The following MINAR2 variants were observed in gnomAD, a reference collection of about 807,000 sequenced individuals.
MINAR2 encodes the protein major intrinsically disordered NOTCH2-binding receptor 1-like.
MINAR2 carries 21 observed loss-of-function variants against 16.1 expected under a neutral mutation model. That is an observed-to-expected ratio of 1.31 (90% CI 0.93 to 1.88). MINAR2 has a LOEUF of 1.88. Ranked by LOEUF, MINAR2 falls within the 40% of genes most tolerant of loss-of-function variation. The pLI, the probability that MINAR2 is intolerant of heterozygous loss-of-function variation, is 0.00. For missense variants in MINAR2, 259 were observed against 229.8 expected, an observed-to-expected ratio of 1.13 and a Z score of -0.82; for synonymous variants, 86 against 83.0, an observed-to-expected ratio of 1.04 and a Z score of -0.20.
intron 2 of MINAR2, among the ~76,000 whole-genome samples, 162 bp downstream of exon 2, chr5:129,760,767 G>C (rs1198568122): frequency 6.6e-6 from 1 of 152,132 alleles, no homozygotes; most frequent in Non-Finnish European, 1.5e-5. Context: ...CTCCTAGTCA[G>C]TATTTGTGTT....
At chr5:129,749,268 A>G (rs1360424067) in intron 1 of MINAR2, among the ~76,000 whole-genome samples, 2 of 152,176 alleles carry the variant, frequency 1.3e-5, no homozygotes, top group African/African-American at 4.8e-5. Flanking sequence ...TTCCCTGAAC[A>G]GAAATTTGTT....
intron 1 of MINAR2, among the ~76,000 whole-genome samples, chr5:129,759,735 A>T (rs565534872): frequency 6.6e-6 from 1 of 152,224 alleles, no homozygotes; most frequent in South Asian, 2.1e-4. Flanking sequence ...GTTTGCAAGA[A>T]TTTATAGAGC....
rs61546560 is a variant in MINAR2, at chr5:129,766,657, C to CAAAAA, written c.*1597_*1598insAAAAA. The CAAAAA allele has an allele frequency of 3.6e-5, 4 of 111,668 alleles. No homozygotes were observed. The highest frequency in any genetic ancestry group is 1.2e-4 in the African/African-American group (3 of 24,844). 6.9% of individuals were successfully genotyped at this position (111,668 alleles called of 1,614,324 possible). ...CATAAAAAAAAAAAAAAAAAAAAAA[C>CAAAAA]AAACAAACAAACAAAAAAAACCCCA... On this transcript the variant is annotated 3_prime_UTR_variant, in exon 3 of 3. Transcript: ENST00000564719.
intron 1 of MINAR2, among the ~76,000 whole-genome samples, chr5:129,758,678 A>T (rs1758086331): frequency 6.6e-6 from 1 of 151,968 alleles, no homozygotes; most frequent in Non-Finnish European, 1.5e-5. Flanking sequence ...CAATCTGACA[A>T]AGCCAATTTG....
chr5:129,760,536 G>C lies in MINAR2; in HGVS notation c.324G>C (p.Lys108Asn). The C allele has an allele frequency of 6.5e-7, 1 of 1,535,600 alleles. No homozygotes were observed. Among genetic ancestry groups the C allele is most frequent in the Non-Finnish European group, 8.7e-7 (1 of 1,146,546 alleles). ...AGGAAGCTATGGAAGAAAGAAAAAA[G>C]AACCCCTCATGGACCATTGAGGAAT... is the stretch of plus-strand genomic sequence containing the variant. ...SLEEAMEERKKNPSWTIEEYD... is the reference protein window; with the variant it reads ...SLEEAMEERKNNPSWTIEEYD... The change falls in exon 2 of 3, where the codon AAG (lysine) becomes AAC (asparagine). Residue 108 changes from lysine to asparagine, a missense_variant. Physicochemically the swap from Lys to Asn is moderately conservative, Grantham distance 94 (BLOSUM62 0). Coordinates refer to ENST00000564719, the MANE Select transcript of MINAR2 (RefSeq NM_001257308.2).
At chr5:129,760,324 C>G in intron 1 of MINAR2, 54 bp from the exon 2 acceptor site, 1 of 1,311,734 alleles carries the variant, frequency 7.6e-7, no homozygotes, top group Non-Finnish European at 1.1e-6. Flanking sequence ...ACATTGCATT[C>G]CCTACTATCA....
rs116104893 is a variant in MINAR2 at position 129,756,078 on chromosome 5, A to C, written c.166-4300A>C. Among the ~76,000 whole-genome samples, 1,312 of 152,148 alleles carry C rather than the reference A, an allele frequency of 8.6e-3. 18 individuals carry two copies. The highest frequency in any genetic ancestry group is 0.029 in the African/African-American group (1,212 of 41,562). On this transcript the variant is annotated intron_variant, in intron 1 of 2. Transcript: ENST00000564719. ...TTATTTCTTTGAAATGTATTTTTAAATGTCAGCAGAATGTTTTATTTTATG... is the reference window on the plus strand; with the variant it reads ...TTATTTCTTTGAAATGTATTTTTAACTGTCAGCAGAATGTTTTATTTTATG...
At chr5:129,760,674 C>A in intron 2 of MINAR2, 69 bp downstream of exon 2, 1 of 1,241,920 alleles carries the variant, frequency 8.1e-7, no homozygotes, top group Non-Finnish European at 1.1e-6. Context: ...TAAAAGAAAG[C>A]AATATTGAAG....
intron 1 of MINAR2, among the ~76,000 whole-genome samples, chr5:129,756,934 T>TAAAA (rs34547893): frequency 2.4e-4 from 18 of 73,960 alleles, no homozygotes; most frequent in Non-Finnish European, 3.2e-4. Flanking sequence ...CTTTCCACAG[T>TAAAA]AAAAAAAAAA....
At chr5:129,758,307 A>C (rs1211715802) in intron 1 of MINAR2, among the ~76,000 whole-genome samples, 1 of 151,986 alleles carries the variant, frequency 6.6e-6, no homozygotes, top group Non-Finnish European at 1.5e-5. Flanking sequence ...AAAATTTATC[A>C]AGATACAAAT....
intron 1 of MINAR2, among the ~76,000 whole-genome samples, chr5:129,757,342 G>A (rs1261068791): frequency 6.6e-6 from 1 of 151,866 alleles, no homozygotes; most frequent in Non-Finnish European, 1.5e-5. Context: ...CATTTAGTCA[G>A]TCACAACACC....
chr5:129,752,964 T>C (rs1758004083), intron 1 of MINAR2, among the ~76,000 whole-genome samples: 1 of 152,162 alleles, frequency 6.6e-6, no homozygotes, highest in South Asian at 2.1e-4. Flanking sequence ...GAGAGGCTGC[T>C]CTTCCATTGA....
intron 1 of MINAR2, among the ~76,000 whole-genome samples, chr5:129,759,504 A>G (rs2149546327): frequency 6.6e-6 from 1 of 152,278 alleles, no homozygotes; most frequent in East Asian, 1.9e-4. Flanking sequence ...AACAAAACAA[A>G]GTAAAAATCT....
chr5:129,759,772 G>T (rs1402322630), intron 1 of MINAR2, among the ~76,000 whole-genome samples: 1 of 151,914 alleles, frequency 6.6e-6, no homozygotes, highest in Admixed American at 6.6e-5. Flanking sequence ...TGAATATTAT[G>T]CTTCAATTTG....
At chr5:129,764,617 C>A (rs1758184039) in intron 2 of MINAR2, among the ~76,000 whole-genome samples, 1 of 152,160 alleles carries the variant, frequency 6.6e-6, no homozygotes, top group Non-Finnish European at 1.5e-5. Flanking sequence ...ATTAAAGAAT[C>A]ATGAAGGCCT....
In MINAR2 at chr5:129,766,115, T is replaced by G. The variant is rs1315463415; in HGVS notation, c.*1052T>G. ...CTGGGGACATGGTTGTAGACACAGA[T>G]GGGGAATCAAGTCACCATCCTGCCC... On this transcript the variant is annotated 3_prime_UTR_variant, in exon 3 of 3. Transcript: ENST00000564719. 1.3e-5 allele frequency: 2 copies of G among 152,208 alleles called. No individual in the cohort carries two copies. The highest frequency in any genetic ancestry group is 4.8e-5 in the African/African-American group (2 of 41,448). 9.4% of individuals were successfully genotyped at this position (152,208 alleles called of 1,614,324 possible).
At position 129,753,141 on chromosome 5, in the gene MINAR2, C is replaced by T. The variant is rs1194806091; in HGVS notation, c.165+4786C>T. 5.3e-5 allele frequency among the ~76,000 whole-genome samples: 8 copies of T among 151,976 alleles called. No individual in the cohort carries two copies. In the East Asian group the frequency reaches 1.4e-3, roughly 26 times the overall value. On this transcript the variant is annotated intron_variant, in intron 1 of 2. Coordinates refer to ENST00000564719, the MANE Select transcript of MINAR2 (RefSeq NM_001257308.2). ...CTTCTGTCTCTGAACACACGTCATG[C>T]CTTCCTAAGACTGTCTCTATTTTCA...
At chr5:129,760,778 T>C (rs1758125418) in intron 2 of MINAR2, among the ~76,000 whole-genome samples, 173 bp downstream of exon 2, 1 of 152,172 alleles carries the variant, frequency 6.6e-6, no homozygotes, top group Non-Finnish European at 1.5e-5. Context: ...TATTTGTGTT[T>C]ATTTGTTTTG....
intron 1 of MINAR2, among the ~76,000 whole-genome samples, chr5:129,759,985 A>G (rs1041675954): frequency 6.6e-6 from 1 of 152,140 alleles, no homozygotes; most frequent in Non-Finnish European, 1.5e-5. Flanking sequence ...TTAGCACAAT[A>G]ATATTAAATA....
Sources: allele counts gnomAD v4.1 joint callset (sites outside exome capture counted in the v4.1 genomes callset), GRCh38; gene constraint gnomAD v4.1.1; transcripts MANE v1.5; gene names NCBI Gene and HGNC (gene_info 2026-07-23, HGNC 2026-07-21).